Variants in PRRX2 observed in about 807,000 individuals in gnomAD.
The protein encoded by PRRX2 is paired related homeobox 2.
In PRRX2, 11 loss-of-function variants were observed where a neutral mutation model predicts 18.0. The ratio of observed to expected loss-of-function variants is 0.61; its 90% CI spans 0.39 to 1.01. PRRX2 has a LOEUF of 1.01. Ranked by LOEUF, PRRX2 falls within the 50% of genes least tolerant of loss-of-function variation. PRRX2 has a pLI of 0.01. For synonymous variants in PRRX2, 177 were observed against 154.8 expected (o/e 1.14, Z -1.06); for missense variants, 387 against 351.0 (o/e 1.10, Z -0.82).
intron 1 of PRRX2, among the ~76,000 whole-genome samples, chr9:129,697,565 C>G (rs1017883793): frequency 2.0e-5 from 3 of 151,158 alleles, no homozygotes; most frequent in Non-Finnish European, 4.4e-5. Context: ...CGCACATGGC[C>G]GGGCTGGGCG....
chr9:129,694,741 G>C (rs1288219391), intron 1 of PRRX2, among the ~76,000 whole-genome samples: 1 of 152,186 alleles, frequency 6.6e-6, no homozygotes, highest in Non-Finnish European at 1.5e-5. Context: ...GTTTGCAGGT[G>C]TGAGGATTCC....
At chr9:129,674,910 C>T (rs1260451911) in intron 1 of PRRX2, among the ~76,000 whole-genome samples, 1 of 152,130 alleles carries the variant, frequency 6.6e-6, no homozygotes, top group Non-Finnish European at 1.5e-5. Context: ...GTGCGTGTTC[C>T]CAGGTCCCAC....
At chr9:129,706,300 C>CAG (rs369017484) in intron 1 of PRRX2, among the ~76,000 whole-genome samples, 43,818 of 151,024 alleles carry the variant, frequency 0.29, 7,670 homozygotes, top group East Asian at 0.5. Context: ...ATTTTTTTTT[C>CAG]CCAGGCGCGG....
Position 129,713,655 on chromosome 9 carries a change from A to T in PRRX2, c.260-5576A>T, listed in dbSNP as rs536793219. Among the ~76,000 whole-genome samples, 304 of 150,158 alleles carry T rather than the reference A, an allele frequency of 2.0e-3. 3 individuals carry two copies. The highest frequency in any genetic ancestry group is 3.0e-3 in the Non-Finnish European group (206 of 67,552). Reference sequence around the variant, plus strand: ...TTCTTTCTTTTTTTTTTTTAGACGGAATTTCACTCTTGTTGCCCAGACTGG... The same window carrying T: ...TTCTTTCTTTTTTTTTTTTAGACGGTATTTCACTCTTGTTGCCCAGACTGG... On this transcript the variant is annotated intron_variant, in intron 1 of 3. Transcript: ENST00000372469.
chr9:129,681,048 G>A (rs1235603563), intron 1 of PRRX2, among the ~76,000 whole-genome samples: 1 of 152,260 alleles, frequency 6.6e-6, no homozygotes, highest in Non-Finnish European at 1.5e-5. Flanking sequence ...CTGGAGCATT[G>A]CAGATGGGTA....
chr9:129,677,332 G>A (rs1832172702), intron 1 of PRRX2, among the ~76,000 whole-genome samples: 1 of 152,276 alleles, frequency 6.6e-6, no homozygotes, highest in African/African-American at 2.4e-5. Flanking sequence ...GAAGGATAAA[G>A]TGACTTGACC....
At chr9:129,708,513 A>T (rs543668716) in intron 1 of PRRX2, among the ~76,000 whole-genome samples, 1 of 152,236 alleles carries the variant, frequency 6.6e-6, no homozygotes, top group South Asian at 2.1e-4. Flanking sequence ...TTAAATTGGG[A>T]TATTTGTCTT....
chr9:129,673,737 C>A (rs913739159), intron 1 of PRRX2, among the ~76,000 whole-genome samples: 1 of 152,094 alleles, frequency 6.6e-6, no homozygotes, highest in East Asian at 1.9e-4. Context: ...GGAGCCCTGG[C>A]TGTTAGTGGT....
At chr9:129,679,018 T>C (rs985154639) in intron 1 of PRRX2, among the ~76,000 whole-genome samples, 1 of 152,174 alleles carries the variant, frequency 6.6e-6, no homozygotes, top group Non-Finnish European at 1.5e-5. Flanking sequence ...AGGAGCCATT[T>C]AGAGCCAGAG....
chr9:129,686,465 G>A (rs1274896433), intron 1 of PRRX2, among the ~76,000 whole-genome samples: 1 of 152,174 alleles, frequency 6.6e-6, no homozygotes, highest in East Asian at 1.9e-4. Flanking sequence ...TTCCGCCTCA[G>A]CCTCCCAAGT....
At chr9:129,679,561 G>T (rs1486101893) in intron 1 of PRRX2, among the ~76,000 whole-genome samples, 1 of 152,198 alleles carries the variant, frequency 6.6e-6, no homozygotes, top group African/African-American at 2.4e-5. Context: ...AGTACGTGGG[G>T]GCACCAGGCC....
chr9:129,717,262 G>A (rs1343347332), intron 1 of PRRX2, among the ~76,000 whole-genome samples: 1 of 151,970 alleles, frequency 6.6e-6, no homozygotes, highest in Non-Finnish European at 1.5e-5. Flanking sequence ...TAGAGATGGG[G>A]TTTCACCATA....
chr9:129,707,028 G>A (rs1439486165), intron 1 of PRRX2, among the ~76,000 whole-genome samples: 1 of 152,168 alleles, frequency 6.6e-6, no homozygotes, highest in Non-Finnish European at 1.5e-5. Flanking sequence ...GGCAAAGGCG[G>A]GCAGATCACT....
chr9:129,716,872 G>A (rs1832715460), intron 1 of PRRX2, among the ~76,000 whole-genome samples: 1 of 152,148 alleles, frequency 6.6e-6, no homozygotes, highest in Non-Finnish European at 1.5e-5. Flanking sequence ...GTTCCTGAAG[G>A]TAGGGGAGAG....
chr9:129,679,527 C>A (rs114404331), intron 1 of PRRX2, among the ~76,000 whole-genome samples: 1 of 152,264 alleles, frequency 6.6e-6, no homozygotes, highest in South Asian at 2.1e-4. Context: ...GAAACTGAGG[C>A]CCAGGAAGCC....
chr9:129,666,768 G>T (rs1832031831), intron 1 of PRRX2, among the ~76,000 whole-genome samples: 1 of 152,192 alleles, frequency 6.6e-6, no homozygotes. Flanking sequence ...GAGGGACGGG[G>T]AGAAGATGGA....
Position 129,666,048 on chromosome 9 carries a change from G to C in PRRX2, c.181G>C (p.Ala61Pro). 1 of 1,050,018 alleles carries C rather than the reference G, an allele frequency of 9.5e-7. No individual in the cohort carries two copies. Among genetic ancestry groups the C allele is most frequent in the Non-Finnish European group, 1.1e-6 (1 of 875,950 alleles). 65.0% of individuals were successfully genotyped at this position (1,050,018 alleles called of 1,614,324 possible). Reference protein sequence around the residue: ...AAGRLAARPGARAEAREGAAR... With the variant: ...AAGRLAARPGPRAEAREGAAR... The stretch of plus-strand genomic sequence containing the variant: ...CGGGCGGCTGGCGGCGCGCCCCGGG[G>C]CCAGGGCCGAGGCGCGGGAGGGCGC... Residue 61 changes from alanine (A) to proline (P), a missense_variant, in exon 1 of 4, where the codon GCC becomes CCC. By Grantham distance (27) the Ala-to-Pro change is conservative. Coordinates refer to ENST00000372469, the MANE Select transcript of PRRX2 (RefSeq NM_016307.4).
At chr9:129,706,351 G>A (rs938089534) in intron 1 of PRRX2, among the ~76,000 whole-genome samples, 2 of 152,024 alleles carry the variant, frequency 1.3e-5, no homozygotes, top group South Asian at 2.1e-4. Flanking sequence ...GAGACCGAGG[G>A]GGGCAGATCA....
rs566756254 is a variant in PRRX2 at position 129,674,660 on chromosome 9, G to A, written c.259+8534G>A. On this transcript the variant is annotated intron_variant, in intron 1 of 3. Transcript: ENST00000372469. Reference sequence around the variant, plus strand: ...CCTCAGTTGCTTGAGATTTGACAAGGTGAGGGCAGGTGACCTCCTGTAACA... The same window carrying A: ...CCTCAGTTGCTTGAGATTTGACAAGATGAGGGCAGGTGACCTCCTGTAACA... 9.2e-5 allele frequency among the ~76,000 whole-genome samples: 14 copies of A among 152,212 alleles called. No homozygotes were observed. The South Asian group carries it at 2.7e-3, about 29-fold the overall frequency.
Sources: gnomAD v4.1 joint callset for allele counts (sites outside exome capture counted in the v4.1 genomes callset) on GRCh38, gnomAD v4.1.1 for gene constraint, MANE v1.5 for transcripts, NCBI Gene and HGNC (gene_info 2026-07-23, HGNC 2026-07-21) for gene names.